The following LRP12 variants were observed in gnomAD, a reference collection of about 807,000 sequenced individuals.
LRP12 encodes low-density lipoprotein receptor-related protein 12.
Under a neutral mutation model 66.0 loss-of-function variants are expected in LRP12, and 14 were observed. The observed-to-expected ratio is 0.21, with a 90% confidence interval of 0.14 to 0.33. LRP12 has a LOEUF of 0.33. LRP12 is among the 10% of genes least tolerant of loss of function. The pLI is 1.00. For synonymous variants in LRP12, 357 were observed against 359.1 expected (o/e 0.99, Z 0.07); for missense variants, 889 against 1,053.4 (o/e 0.84, Z 2.16).
chr8:104,552,371 T>G lies in LRP12; in HGVS notation c.80-20408A>C, dbSNP rs891238819. 6.6e-5 allele frequency among the ~76,000 whole-genome samples: 10 copies of G among 151,572 alleles called. No individual in the cohort carries two copies. The East Asian group carries it at 7.7e-4, about 12-fold the overall frequency. ...TAAATGTATAAATATGTCTTTTTTT[T>G]GTTGTTTTTTTTTTTTTGCCGGGCG... On this transcript the variant is annotated intron_variant, in intron 1 of 6. Transcript: ENST00000276654.
At chr8:104,530,721 G>A (rs1394103561) in intron 2 of LRP12, among the ~76,000 whole-genome samples, 3 of 152,150 alleles carry the variant, frequency 2.0e-5, no homozygotes, top group African/African-American at 4.8e-5. Flanking sequence ...CCATTTGGTT[G>A]TATAAATTAA....
At chr8:104,533,443 G>C (rs1304075967) in intron 1 of LRP12, among the ~76,000 whole-genome samples, 2 of 152,054 alleles carry the variant, frequency 1.3e-5, no homozygotes, top group East Asian at 3.8e-4. Flanking sequence ...TGGCCACCTT[G>C]GGAGTGTGCT....
intron 4 of LRP12, among the ~76,000 whole-genome samples, chr8:104,498,449 C>G (rs1341905931): frequency 1.3e-5 from 2 of 151,514 alleles, no homozygotes; most frequent in South Asian, 4.2e-4. Context: ...TCAGGTCCCA[C>G]TTATAAGTGA....
At chr8:104,569,294 A>C (rs1388353956) in intron 1 of LRP12, among the ~76,000 whole-genome samples, 1 of 152,196 alleles carries the variant, frequency 6.6e-6, no homozygotes, top group Non-Finnish European at 1.5e-5. Context: ...GATTGTTAAT[A>C]GGTACAGAGT....
At chr8:104,583,975 A>G (rs1388194930) in intron 1 of LRP12, among the ~76,000 whole-genome samples, 1 of 152,070 alleles carries the variant, frequency 6.6e-6, no homozygotes, top group Non-Finnish European at 1.5e-5. Context: ...AAGCTAATAC[A>G]GTATTGAAAT....
At chr8:104,499,038 T>C (rs1408601125) in intron 4 of LRP12, among the ~76,000 whole-genome samples, 5 of 152,192 alleles carry the variant, frequency 3.3e-5, no homozygotes, top group Non-Finnish European at 7.3e-5. Context: ...CGTAAGCACT[T>C]GAGGGAGAAA....
intron 1 of LRP12, among the ~76,000 whole-genome samples, chr8:104,564,522 G>A (rs1811964278): frequency 6.6e-6 from 1 of 152,068 alleles, no homozygotes; most frequent in South Asian, 2.1e-4. Flanking sequence ...ATATTCTCAG[G>A]TGTAGGGATG....
chr8:104,516,251 G>C (rs1463836348), intron 2 of LRP12, among the ~76,000 whole-genome samples: 1 of 151,782 alleles, frequency 6.6e-6, no homozygotes, highest in Non-Finnish European at 1.5e-5. Flanking sequence ...ACTTTCAAAC[G>C]TAGATAGCAT....
At chr8:104,555,146 G>GA (rs1218506501) in intron 1 of LRP12, among the ~76,000 whole-genome samples, 1 of 152,046 alleles carries the variant, frequency 6.6e-6, no homozygotes, top group African/African-American at 2.4e-5. Flanking sequence ...ACCAATCCTT[G>GA]AAATATACCA....
chr8:104,499,250 C>T (rs1263877307), intron 4 of LRP12, 67 bp downstream of exon 4: 1 of 1,240,590 alleles, frequency 8.1e-7, no homozygotes, highest in African/African-American at 1.5e-5. Context: ...AGAAGATTAG[C>T]TCCGAAGTGA....
chr8:104,554,227 C>T (rs1341436017), intron 1 of LRP12, among the ~76,000 whole-genome samples: 1 of 152,088 alleles, frequency 6.6e-6, no homozygotes, highest in East Asian at 1.9e-4. Flanking sequence ...CTTTAACACC[C>T]CCAAAAGATC....
chr8:104,533,059 G>A (rs751049162), intron 1 of LRP12, among the ~76,000 whole-genome samples: 41 of 151,942 alleles, frequency 2.7e-4, no homozygotes, highest in Non-Finnish European at 5.4e-4. Context: ...AATATTTTTG[G>A]TTCAACTACA....
chr8:104,523,642 A>C (rs1407652392), intron 2 of LRP12, among the ~76,000 whole-genome samples: 3 of 152,130 alleles, frequency 2.0e-5, no homozygotes, highest in Non-Finnish European at 4.4e-5. Flanking sequence ...TGTATTTTTC[A>C]TTGTGTTTAG....
intron 2 of LRP12, among the ~76,000 whole-genome samples, chr8:104,519,765 C>T (rs1306138042): frequency 2.0e-5 from 3 of 151,956 alleles, no homozygotes; most frequent in African/African-American, 7.2e-5. Flanking sequence ...ACCGCAAGTG[C>T]CATGGCAAGT....
intron 1 of LRP12, among the ~76,000 whole-genome samples, chr8:104,568,387 A>C (rs1297381247): frequency 3.3e-5 from 5 of 152,196 alleles, no homozygotes; most frequent in African/African-American, 9.6e-5. Flanking sequence ...TCTTAGATAT[A>C]ATATCAAAGA....
At chr8:104,502,303 G>A (rs950668315) in intron 3 of LRP12, among the ~76,000 whole-genome samples, 1 of 152,172 alleles carries the variant, frequency 6.6e-6, no homozygotes, top group Non-Finnish European at 1.5e-5. Flanking sequence ...AACTCCACAT[G>A]CTGCCTCTGC....
At chr8:104,531,864 A>AT (rs1811328972) in intron 2 of LRP12, 43 bp downstream of exon 2, 2 of 1,319,706 alleles carry the variant, frequency 1.5e-6, no homozygotes, top group Non-Finnish European at 1.1e-6. Context: ...TATTTACCAT[A>AT]TAAGTCATGC....
chr8:104,550,673 T>C (rs367895692), intron 1 of LRP12, among the ~76,000 whole-genome samples: 1 of 152,184 alleles, frequency 6.6e-6, no homozygotes, highest in Non-Finnish European at 1.5e-5. Context: ...TTCTCAGTTC[T>C]TTCCAACCCT....
At chr8:104,533,733 C>A (rs1238322957) in intron 1 of LRP12, among the ~76,000 whole-genome samples, 2 of 151,968 alleles carry the variant, frequency 1.3e-5, no homozygotes, top group Non-Finnish European at 2.9e-5. Context: ...CCAGGCTGGA[C>A]TAGAACTCTT....
Sources: allele counts gnomAD v4.1 joint callset (sites outside exome capture counted in the v4.1 genomes callset), GRCh38; gene constraint gnomAD v4.1.1; transcripts MANE v1.5; gene names NCBI Gene and HGNC (gene_info 2026-07-23, HGNC 2026-07-21).